NUP210L: variants seen among roughly 807,000 people sequenced by gnomAD.
NUP210L encodes nucleoporin 210 like.
NUP210L carries 74 observed loss-of-function variants against 208.5 expected under a neutral mutation model. The observed-to-expected ratio is 0.35, with a 90% CI of 0.29 to 0.43. The LOEUF (loss-of-function observed/expected upper bound fraction) is 0.43. Ranked by LOEUF, NUP210L falls within the 20% of genes least tolerant of loss-of-function variation. The pLI is 1.00. For synonymous variants in NUP210L, 780 were observed against 816.9 expected, an observed-to-expected ratio of 0.95 and a Z score of 0.77; for missense variants, 1,843 against 2,289.4, an observed-to-expected ratio of 0.81 and a Z score of 3.98.
At position 154,062,683 on chromosome 1, in the gene NUP210L, G is replaced by C; in HGVS notation, c.2555-1009C>G. On this transcript the variant is annotated intron_variant, in intron 17 of 39. Coordinates refer to ENST00000368559, the Ensembl canonical transcript of NUP210L. ...ATTTACTGCAACCTCTACCTACCCGGCTCAAGCAGTCCTCCCACCTCAGCC... is the reference window on the plus strand; with the variant it reads ...ATTTACTGCAACCTCTACCTACCCGCCTCAAGCAGTCCTCCCACCTCAGCC... 1.4e-5 allele frequency among the ~76,000 whole-genome samples: 2 copies of C among 145,218 alleles called. 1 individual carries two copies. Among genetic ancestry groups the C allele is most frequent in the Middle Eastern group, 6.6e-3 (2 of 302 alleles).
At chr1:154,094,829 T>A (rs948626884) in intron 15 of NUP210L, 106 bp downstream of exon 15, 6 of 777,446 alleles carry the variant, frequency 7.7e-6, no homozygotes, top group African/African-American at 3.5e-5. Flanking sequence ...ATTTTCCTAT[T>A]TAGTCCATAA....
chr1:154,045,067 C>T (rs1273102063), intron 27 of NUP210L, among the ~76,000 whole-genome samples: 1 of 152,086 alleles, frequency 6.6e-6, no homozygotes, highest in Non-Finnish European at 1.5e-5. Flanking sequence ...CCACCAGATA[C>T]CAAAGGGAAC....
intron 32 of NUP210L, among the ~76,000 whole-genome samples, chr1:154,019,305 G>A (rs1651429545): frequency 1.3e-5 from 2 of 152,234 alleles, no homozygotes; most frequent in South Asian, 4.1e-4. Context: ...TGTTCTCCTT[G>A]GGAAAAAGAG....
intron 16 of NUP210L, among the ~76,000 whole-genome samples, chr1:154,087,043 G>A (rs1355107021): frequency 6.6e-6 from 1 of 151,470 alleles, no homozygotes; most frequent in Non-Finnish European, 1.5e-5. Flanking sequence ...ACATAGGCCA[G>A]GCACAGTGGC....
chr1:154,064,208 T>C (rs767961913), intron 17 of NUP210L, among the ~76,000 whole-genome samples: 1 of 151,952 alleles, frequency 6.6e-6, no homozygotes, highest in Non-Finnish European at 1.5e-5. Context: ...TAAACAGTTA[T>C]ATTAATGGTC....
chr1:154,113,857 CAAAAAAAAA>C (rs11298820), intron 12 of NUP210L, among the ~76,000 whole-genome samples: 1 of 40,682 alleles, frequency 2.5e-5, no homozygotes, highest in Non-Finnish European at 4.2e-5. Context: ...GACTCCATCT[CAAAAAAAAA>C]AAAAAAAAAA....
chr1:154,154,059 C>T (rs954892225), intron 1 of NUP210L, among the ~76,000 whole-genome samples: 1 of 152,168 alleles, frequency 6.6e-6, no homozygotes, highest in African/African-American at 2.4e-5. Context: ...ACCAGAAAAT[C>T]ATGTCTCTTC....
intron 37 of NUP210L, among the ~76,000 whole-genome samples, chr1:153,997,305 T>TTAC (rs1194972389): frequency 6.6e-6 from 1 of 151,816 alleles, no homozygotes; most frequent in Admixed American, 6.6e-5. Flanking sequence ...ATGTTTTTCT[T>TTAC]TAACTTTTAA....
rs968311422 is a variant in NUP210L at position 154,023,182 on chromosome 1, T to C, written c.4238A>G (p.Tyr1413Cys). The change falls in exon 31 of 40, where the codon TAT becomes TGT. Residue 1413 changes from tyrosine (Y) to cysteine (C), a missense_variant. Coordinates refer to ENST00000368559, the Ensembl canonical transcript of NUP210L. ...GTGGAATTTCTCTCCGATACTATTA[T>C]AAAACTGAACAGTGAAGGTAAGAGA... The C allele has an allele frequency of 3.1e-6, 5 of 1,613,958 alleles. No individual in the cohort carries two copies. The South Asian group carries it at 5.5e-5, about 18-fold the overall frequency.
At chr1:154,122,568 T>C (rs1013467203) in intron 10 of NUP210L, among the ~76,000 whole-genome samples, 4 of 151,968 alleles carry the variant, frequency 2.6e-5, no homozygotes, top group Non-Finnish European at 5.9e-5. Flanking sequence ...GGCAGGAGAA[T>C]GGTGTGAACT....
chr1:154,086,102 C>T (rs544382730), intron 16 of NUP210L, among the ~76,000 whole-genome samples: 2 of 151,478 alleles, frequency 1.3e-5, no homozygotes, highest in Non-Finnish European at 2.9e-5. Flanking sequence ...ATTCCAGCTA[C>T]TGGGGAGGCT....
chr1:154,105,503 C>T (rs945105301), intron 12 of NUP210L, among the ~76,000 whole-genome samples: 3 of 151,986 alleles, frequency 2.0e-5, no homozygotes, highest in Admixed American at 1.3e-4. Context: ...AAAAAAGAGC[C>T]CTTGGGCCTT....
At chr1:154,026,492 G>T (rs1177903492) in intron 29 of NUP210L, among the ~76,000 whole-genome samples, 1 of 151,962 alleles carries the variant, frequency 6.6e-6, no homozygotes, top group Non-Finnish European at 1.5e-5. Context: ...GGGATTACAG[G>T]CATGTGCAAC....
rs34653809 is a variant in NUP210L at position 154,011,679 on chromosome 1, GTTTTTTTTTTT to G, written c.4780+554_4780+564del. Among the ~76,000 whole-genome samples, 211 of 78,444 alleles carry G rather than the reference GTTTTTTTTTTT, an allele frequency of 2.7e-3. 3 individuals are homozygous for G. The South Asian group carries it at 0.04, about 15-fold the overall frequency. 51.5% of individuals were successfully genotyped at this position (78,444 alleles called of 152,430 possible). A position where few individuals can be genotyped will look rare whatever the true frequency, so the allele number is the denominator to read the frequency against. Reference sequence around the variant, plus strand: ...CTCCAGAGTACTAAAATTATCTTAAGTTTTTTTTTTTTTTTTTTTTTTTTTTTGAGATGGAG... The same window carrying G: ...CTCCAGAGTACTAAAATTATCTTAAGTTTTTTTTTTTTTTTTGAGATGGAG... On this transcript the variant is annotated intron_variant, in intron 34 of 39. Coordinates refer to ENST00000368559, the Ensembl canonical transcript of NUP210L.
intron 2 of NUP210L, among the ~76,000 whole-genome samples, chr1:154,146,298 ACTGAC>A (rs1454245129): frequency 2.0e-4 from 30 of 152,322 alleles, no homozygotes; most frequent in African/African-American, 7.0e-4. Context: ...ATGAACCCAT[ACTGAC>A]ATAAATAATT....
At chr1:154,006,944 G>A (rs1474383729) in intron 35 of NUP210L, among the ~76,000 whole-genome samples, 3 of 97,850 alleles carry the variant, frequency 3.1e-5, no homozygotes, top group African/African-American at 1.1e-4. Flanking sequence ...GTGTGTGTGT[G>A]TGTATATATA....
intron 16 of NUP210L, among the ~76,000 whole-genome samples, chr1:154,085,436 A>G (rs1655578368): frequency 6.6e-6 from 1 of 152,112 alleles, no homozygotes; most frequent in African/African-American, 2.4e-5. Context: ...AATAAATCTA[A>G]TGAGTGTAAA....
intron 24 of NUP210L, 59 bp from the exon 25 acceptor site, chr1:154,054,466 T>C: frequency 6.5e-7 from 1 of 1,549,390 alleles, no homozygotes; most frequent in Non-Finnish European, 8.9e-7. Flanking sequence ...ATGTCTCTTT[T>C]CCCAACATTT....
chr1:154,017,296 AAGG>A (rs1356861607), intron 33 of NUP210L, among the ~76,000 whole-genome samples: 1 of 139,462 alleles, frequency 7.2e-6, no homozygotes, highest in Non-Finnish European at 1.6e-5. Flanking sequence ...AAAAAAAAAA[AAGG>A]GGGGGGCTCA....
Sources: gnomAD v4.1 joint callset for allele counts (sites outside exome capture counted in the v4.1 genomes callset) on GRCh38, gnomAD v4.1.1 for gene constraint, MANE v1.5 for transcripts, NCBI Gene and HGNC (gene_info 2026-07-23, HGNC 2026-07-21) for gene names.